The following ENTREP2 variants were observed in gnomAD, a reference collection of about 807,000 sequenced individuals.
ENTREP2 encodes endosomal transmembrane epsin interactor 2, also known as protein ENTREP2.
chr15:29,325,345 T>C, the ENTREP2 span, among the ~76,000 whole-genome samples: 1 of 151,738 alleles, frequency 6.6e-6, no homozygotes, highest in Non-Finnish European at 1.5e-5. Context: ...GGCAGAAATC[T>C]GAATAGAAAA....
At chr15:29,274,066 G>A in the ENTREP2 span, among the ~76,000 whole-genome samples, 23,329 of 152,068 alleles carry the variant, frequency 0.15, 2,234 homozygotes, top group African/African-American at 0.26. Flanking sequence ...GACTAATACA[G>A]TATGTATCTA....
chr15:29,607,229 A>G, the ENTREP2 span, among the ~76,000 whole-genome samples: 1 of 151,430 alleles, frequency 6.6e-6, no homozygotes. Flanking sequence ...TTTCTTCATG[A>G]GGAAAACCTA....
the ENTREP2 span, among the ~76,000 whole-genome samples, chr15:29,579,974 T>C: frequency 6.6e-6 from 1 of 152,092 alleles, no homozygotes; most frequent in African/African-American, 2.4e-5. Flanking sequence ...CCTCCCAAAG[T>C]GCTGGGATTA....
At chr15:29,339,079 C>G in the ENTREP2 span, among the ~76,000 whole-genome samples, 1 of 152,184 alleles carries the variant, frequency 6.6e-6, no homozygotes, top group African/African-American at 2.4e-5. Context: ...CCTGACTCAC[C>G]AGCTCTACTG....
the ENTREP2 span, among the ~76,000 whole-genome samples, chr15:29,494,885 CATGT>C: frequency 1.3e-5 from 2 of 152,036 alleles, no homozygotes; most frequent in Admixed American, 1.3e-4. Flanking sequence ...TGTTTGTGTG[CATGT>C]GTGTGTGTGT....
At chr15:29,589,720 G>A in the ENTREP2 span, among the ~76,000 whole-genome samples, 2 of 152,148 alleles carry the variant, frequency 1.3e-5, no homozygotes, top group African/African-American at 2.4e-5. Context: ...CTTTGTCTGC[G>A]TCAGATTAGT....
At chr15:29,590,640 C>T in the ENTREP2 span, among the ~76,000 whole-genome samples, 9 of 139,494 alleles carry the variant, frequency 6.5e-5, no homozygotes, top group African/African-American at 1.3e-4. Context: ...GCAGAGATGG[C>T]GCCACTGTAC....
chr15:29,541,832 G>A, the ENTREP2 span, among the ~76,000 whole-genome samples: 1 of 152,156 alleles, frequency 6.6e-6, no homozygotes, highest in Non-Finnish European at 1.5e-5. Flanking sequence ...GAAAGGGAAG[G>A]GCTTTAAGCT....
chr15:29,421,672 C>T, the ENTREP2 span, among the ~76,000 whole-genome samples: 1,994 of 152,238 alleles, frequency 0.013, 38 homozygotes, highest in African/African-American at 0.045. Flanking sequence ...GCTCAAACTA[C>T]GTAACACTAG....
the ENTREP2 span, among the ~76,000 whole-genome samples, chr15:29,351,545 A>G: frequency 7.9e-5 from 12 of 152,226 alleles, no homozygotes; most frequent in African/African-American, 2.9e-4. Flanking sequence ...AAAAGTAATA[A>G]CAATAAGATG....
the ENTREP2 span, among the ~76,000 whole-genome samples, chr15:29,301,454 C>T: frequency 3.3e-5 from 5 of 152,164 alleles, no homozygotes; most frequent in Non-Finnish European, 7.4e-5. Flanking sequence ...ACACCGTCTG[C>T]TTTTCTGTGA....
chr15:29,554,702 G>C, the ENTREP2 span, among the ~76,000 whole-genome samples: 2 of 152,138 alleles, frequency 1.3e-5, no homozygotes, highest in African/African-American at 2.4e-5. Context: ...GCTCAGAGAG[G>C]CCTCTTGGAG....
the ENTREP2 span, among the ~76,000 whole-genome samples, chr15:29,539,078 A>G: frequency 6.6e-6 from 1 of 152,128 alleles, no homozygotes; most frequent in Non-Finnish European, 1.5e-5. Flanking sequence ...TGAGGGAGAA[A>G]CATCGGGAGA....
At chr15:29,383,030 C>T in the ENTREP2 span, among the ~76,000 whole-genome samples, 1 of 152,058 alleles carries the variant, frequency 6.6e-6, no homozygotes, top group Non-Finnish European at 1.5e-5. Context: ...AGGGGCCGCT[C>T]TCCTCCACAG....
the ENTREP2 span, among the ~76,000 whole-genome samples, chr15:29,406,859 G>T: frequency 2.6e-5 from 4 of 151,922 alleles, no homozygotes. Flanking sequence ...TCCAAATATA[G>T]CAACAACCCA....
chr15:29,457,005 A>G, the ENTREP2 span, among the ~76,000 whole-genome samples: 1 of 152,212 alleles, frequency 6.6e-6, no homozygotes, highest in Non-Finnish European at 1.5e-5. Context: ...TTTTTAGGTA[A>G]TAAGAGTAGG....
the ENTREP2 span, among the ~76,000 whole-genome samples, chr15:29,583,338 A>T: frequency 6.6e-6 from 1 of 152,228 alleles, no homozygotes; most frequent in Non-Finnish European, 1.5e-5. Context: ...TGTTCTTTGC[A>T]GCGACATGGA....
chr15:29,529,008 C>G, the ENTREP2 span, among the ~76,000 whole-genome samples: 5 of 151,266 alleles, frequency 3.3e-5, no homozygotes, highest in African/African-American at 1.2e-4. Context: ...CTTGAAACTT[C>G]CAATTATACT....
At chr15:29,473,802 C>G in the ENTREP2 span, among the ~76,000 whole-genome samples, 2 of 152,218 alleles carry the variant, frequency 1.3e-5, no homozygotes, top group African/African-American at 4.8e-5. Context: ...GGGCCCCGGC[C>G]GCAGCCACGG....
Sources: gnomAD v4.1 joint callset for allele counts (sites outside exome capture counted in the v4.1 genomes callset) on GRCh38, gnomAD v4.1.1 for gene constraint, MANE v1.5 for transcripts, NCBI Gene and HGNC (gene_info 2026-07-23, HGNC 2026-07-21) for gene names.